GRIA3: variants seen among roughly 807,000 people sequenced by gnomAD.
The protein encoded by GRIA3 is glutamate receptor 3.
GRIA3 carries 3 observed loss-of-function variants against 63.0 expected under a neutral mutation model. That is an observed-to-expected ratio of 0.05 (90% CI 0.02 to 0.12). The LOEUF is 0.12. Ranked by LOEUF, GRIA3 falls within the 10% of genes least tolerant of loss-of-function variation. The pLI is 1.00. For synonymous variants in GRIA3, 274 were observed against 257.9 expected (o/e 1.06, Z -0.60); for missense variants, 347 against 700.9 (o/e 0.50, Z 5.70).
intron 13 of GRIA3, among the ~76,000 whole-genome samples, chrX:123,470,598 C>G (rs1439056708): frequency 8.9e-6 from 1 of 112,050 alleles, no homozygotes; most frequent in Non-Finnish European, 1.9e-5. Flanking sequence ...CACTCTCGGA[C>G]AGCCCATTTC....
At chrX:123,433,928 C>T (rs1052964792) in intron 12 of GRIA3, among the ~76,000 whole-genome samples, 3 of 111,487 alleles carry the variant, frequency 2.7e-5, no homozygotes, top group Non-Finnish European at 3.8e-5. Flanking sequence ...GCACAGGCAG[C>T]GAAAGGAGGG....
chrX:123,425,123 G>T (rs2045583098), intron 11 of GRIA3, among the ~76,000 whole-genome samples: 2 of 111,620 alleles, frequency 1.8e-5, no homozygotes, highest in South Asian at 3.8e-4. Context: ...TGGTTTTCAT[G>T]CCACTATATT....
At chrX:123,184,699 GC>G in intron 1 of GRIA3, 55 bp downstream of exon 1, 1 of 785,439 alleles carries the variant, frequency 1.3e-6, no homozygotes, top group South Asian at 2.0e-5. Context: ...CGAGACCACT[GC>G]CCCGGCAAGG....
chrX:123,357,902 G>A (rs777320525), intron 5 of GRIA3, among the ~76,000 whole-genome samples: 9 of 111,132 alleles, frequency 8.1e-5, no homozygotes, highest in Non-Finnish European at 1.1e-4. Context: ...GAATTCAGCC[G>A]TGTAAGTCCC....
intron 2 of GRIA3, among the ~76,000 whole-genome samples, chrX:123,228,613 A>G (rs1013927324): frequency 8.9e-6 from 1 of 111,969 alleles, no homozygotes; most frequent in Non-Finnish European, 1.9e-5. Flanking sequence ...GCCTGGCCTC[A>G]GTGATGCCTT....
At chrX:123,391,804 C>T (rs1454820912) in intron 5 of GRIA3, among the ~76,000 whole-genome samples, 1 of 112,324 alleles carries the variant, frequency 8.9e-6, no homozygotes, top group African/African-American at 3.2e-5. Flanking sequence ...ATAGGCTAGG[C>T]CAGCCATTCT....
chrX:123,475,128 ACTAT>A (rs2045881282), intron 13 of GRIA3, among the ~76,000 whole-genome samples: 2 of 111,903 alleles, frequency 1.8e-5, no homozygotes, highest in African/African-American at 3.2e-5. Flanking sequence ...CTTTTAAATG[ACTAT>A]CTAATTCCCA....
At chrX:123,283,036 T>A (rs2044595925) in intron 3 of GRIA3, among the ~76,000 whole-genome samples, 1 of 111,985 alleles carries the variant, frequency 8.9e-6, no homozygotes, top group Non-Finnish European at 1.9e-5. Context: ...CATTTCCAAC[T>A]GATGTACCCA....
intron 5 of GRIA3, among the ~76,000 whole-genome samples, chrX:123,366,713 G>C (rs1464985650): frequency 9.0e-6 from 1 of 111,422 alleles, no homozygotes; most frequent in Admixed American, 9.5e-5. Context: ...AGCTGATATG[G>C]GGTTGCTAGC....
chrX:123,320,173 T>C (rs1294737028), intron 3 of GRIA3, among the ~76,000 whole-genome samples: 1 of 111,521 alleles, frequency 9.0e-6, no homozygotes, highest in African/African-American at 3.3e-5. Context: ...TGTCTCACCA[T>C]TGTCTTCCCA....
chrX:123,438,511 ATGTTTATC>A (rs1195162781), intron 12 of GRIA3, among the ~76,000 whole-genome samples: 2 of 111,867 alleles, frequency 1.8e-5, no homozygotes, highest in Non-Finnish European at 3.8e-5. Context: ...TGTCAATTCT[ATGTTTATC>A]TGCTATAACT....
At chrX:123,259,976 A>G (rs953802707) in intron 3 of GRIA3, among the ~76,000 whole-genome samples, 11 of 111,398 alleles carry the variant, frequency 9.9e-5, no homozygotes, top group Non-Finnish European at 1.7e-4. Context: ...TTCTTAAGGC[A>G]TGGTATCCAC....
At chrX:123,348,459 T>C (rs2045068542) in intron 4 of GRIA3, among the ~76,000 whole-genome samples, 1 of 111,739 alleles carries the variant, frequency 8.9e-6, no homozygotes, top group South Asian at 3.7e-4. Flanking sequence ...TACTCTAGAT[T>C]GAATACTAGT....
Position 123,193,614 on chromosome X carries a change from G to C in GRIA3, c.268+7624G>C, listed in dbSNP as rs769427523. Among the ~76,000 whole-genome samples the C allele has an allele frequency of 4.6e-4, 52 of 112,024 alleles. 1 individual carries two copies. The South Asian group carries it at 0.019, about 42-fold the overall frequency. ...AACTGCTCCAGGGAAGCCATTAAAA[G>C]CTTACCCAGTGTCATTTGAGGATCG... is the stretch of plus-strand genomic sequence containing the variant. On this transcript the variant is annotated intron_variant, in intron 2 of 15. Transcript: ENST00000620443.
chrX:123,360,991 G>A (rs2045170874), intron 5 of GRIA3, among the ~76,000 whole-genome samples: 1 of 108,333 alleles, frequency 9.2e-6, no homozygotes. Context: ...ATGGAAGGGG[G>A]GTACTAGATG....
intron 2 of GRIA3, among the ~76,000 whole-genome samples, chrX:123,243,208 T>A (rs1332004565): frequency 3.6e-5 from 4 of 112,285 alleles, no homozygotes; most frequent in African/African-American, 1.3e-4. Context: ...TCGTTGATGT[T>A]CCCTTAAATC....
At chrX:123,247,264 T>C (rs1201468261) in intron 2 of GRIA3, among the ~76,000 whole-genome samples, 1 of 112,617 alleles carries the variant, frequency 8.9e-6, no homozygotes, top group Non-Finnish European at 1.9e-5. Context: ...ATTGTTATTC[T>C]GAACTTTGAA....
At chrX:123,429,304 T>G (rs916991348) in intron 12 of GRIA3, among the ~76,000 whole-genome samples, 9 of 112,325 alleles carry the variant, frequency 8.0e-5, no homozygotes, top group Non-Finnish European at 1.7e-4. Flanking sequence ...TTTCTTGACA[T>G]TACAGCAATT....
chrX:123,273,614 G>T (rs1441578778), intron 3 of GRIA3, among the ~76,000 whole-genome samples: 2 of 111,656 alleles, frequency 1.8e-5, no homozygotes, highest in Admixed American at 1.9e-4. Flanking sequence ...TAACCCAAAA[G>T]GAAGACTAAT....
Sources: gnomAD v4.1 joint callset for allele counts (sites outside exome capture counted in the v4.1 genomes callset) on GRCh38, gnomAD v4.1.1 for gene constraint, MANE v1.5 for transcripts, NCBI Gene and HGNC (gene_info 2026-07-23, HGNC 2026-07-21) for gene names.